Variants in CNTN4 observed in about 807,000 individuals in gnomAD.
CNTN4 encodes the protein contactin-4.
A neutral mutation model predicts 122.5 loss-of-function variants in CNTN4; 77 were observed. The observed-to-expected ratio is 0.63, with a 90% CI of 0.52 to 0.76. The LOEUF (loss-of-function observed/expected upper bound fraction) is 0.76. Ranked by LOEUF, CNTN4 falls within the 30% of genes least tolerant of loss-of-function variation. The probability of loss-of-function intolerance (pLI) is 0.00; values close to 1 mark genes in which losing one functional copy is unlikely to be tolerated. For synonymous variants in CNTN4, 512 were observed against 447.0 expected, an observed-to-expected ratio of 1.15 and a Z score of -1.83; for missense variants, 1,256 against 1,259.1, an observed-to-expected ratio of 1.00 and a Z score of 0.04.
At chr3:2,829,670 A>G (rs530551816) in intron 7 of CNTN4, among the ~76,000 whole-genome samples, 24 of 152,210 alleles carry the variant, frequency 1.6e-4, no homozygotes, top group Non-Finnish European at 2.6e-4. Context: ...AACAACTTGA[A>G]TGTTTCATGA....
At chr3:2,963,397 G>A (rs1298780833) in intron 13 of CNTN4, among the ~76,000 whole-genome samples, 2 of 152,012 alleles carry the variant, frequency 1.3e-5, no homozygotes, top group African/African-American at 4.8e-5. Context: ...CGTCAAGATG[G>A]TCTAGAAAGA....
At chr3:2,614,742 A>G (rs772369820) in intron 4 of CNTN4, among the ~76,000 whole-genome samples, 7 of 152,098 alleles carry the variant, frequency 4.6e-5, no homozygotes, top group Non-Finnish European at 8.8e-5. Flanking sequence ...ATTGAAATAG[A>G]GATGCCTGTC....
chr3:2,731,505 G>T (rs2088679569), intron 4 of CNTN4, among the ~76,000 whole-genome samples: 1 of 152,194 alleles, frequency 6.6e-6, no homozygotes, highest in Non-Finnish European at 1.5e-5. Flanking sequence ...CAAGCTGTGT[G>T]TCAGATCAAT....
chr3:2,598,627 C>A (rs775468134), intron 4 of CNTN4, among the ~76,000 whole-genome samples: 3 of 152,078 alleles, frequency 2.0e-5, no homozygotes, highest in Non-Finnish European at 2.9e-5. Context: ...ACTTTTACAT[C>A]ATAATTCAAA....
intron 2 of CNTN4, among the ~76,000 whole-genome samples, chr3:2,255,902 A>G (rs894463163): frequency 6.6e-6 from 1 of 152,180 alleles, no homozygotes; most frequent in African/African-American, 2.4e-5. Context: ...AAGCAAACAA[A>G]TTCAAAAGCT....
chr3:2,382,419 T>C (rs990991541), intron 3 of CNTN4, among the ~76,000 whole-genome samples: 20 of 152,216 alleles, frequency 1.3e-4, no homozygotes, highest in African/African-American at 4.8e-4. Flanking sequence ...CCTCCCAAAG[T>C]GCTGGGATTG....
intron 2 of CNTN4, among the ~76,000 whole-genome samples, chr3:2,106,677 T>G (rs1383663519): frequency 1.3e-5 from 2 of 152,218 alleles, no homozygotes; most frequent in Admixed American, 1.3e-4. Flanking sequence ...TGGGAGGGGC[T>G]GCCGCCAAGA....
intron 13 of CNTN4, among the ~76,000 whole-genome samples, chr3:2,982,297 T>C (rs1694098833): frequency 6.6e-6 from 1 of 152,176 alleles, no homozygotes; most frequent in South Asian, 2.1e-4. Context: ...ATTCTACTTT[T>C]ACTACCACCG....
At chr3:2,465,214 G>T (rs1450826015) in intron 3 of CNTN4, among the ~76,000 whole-genome samples, 1 of 152,088 alleles carries the variant, frequency 6.6e-6, no homozygotes, top group Admixed American at 6.5e-5. Context: ...TAATCTGTGG[G>T]CATGATTCCT....
Position 2,384,732 on chromosome 3 carries a change from C to G in CNTN4, c.-89+45499C>G, listed in dbSNP as rs183085874. ...CTCTCACATGTAAATTTGTCCCTGG[C>G]TCCTACACCAGTAACAACTCAATGT... On this transcript the variant is annotated intron_variant, in intron 3 of 24. Coordinates refer to ENST00000418658, the MANE Select transcript of CNTN4 (RefSeq NM_175607.3). 5.8e-4 allele frequency among the ~76,000 whole-genome samples: 88 copies of G among 151,672 alleles called. 1 individual carries two copies. In the East Asian group the frequency reaches 0.016, roughly 27 times the overall value.
At chr3:2,479,059 T>C (rs532655928) in intron 3 of CNTN4, among the ~76,000 whole-genome samples, 1 of 152,320 alleles carries the variant, frequency 6.6e-6, no homozygotes, top group South Asian at 2.1e-4. Context: ...AGGACTTTCA[T>C]CTTTGCTCAT....
intron 3 of CNTN4, among the ~76,000 whole-genome samples, chr3:2,442,042 T>C (rs2048461352): frequency 6.6e-6 from 1 of 152,178 alleles, no homozygotes; most frequent in African/African-American, 2.4e-5. Flanking sequence ...AATATGCTGG[T>C]TAGAAAACCA....
intron 3 of CNTN4, among the ~76,000 whole-genome samples, chr3:2,402,478 C>G (rs2046892203): frequency 6.6e-6 from 1 of 152,094 alleles, no homozygotes; most frequent in Non-Finnish European, 1.5e-5. Context: ...AACAAACATA[C>G]AATGTGTAAT....
At chr3:2,607,502 A>G (rs1278998261) in intron 4 of CNTN4, among the ~76,000 whole-genome samples, 1 of 152,162 alleles carries the variant, frequency 6.6e-6, no homozygotes, top group Non-Finnish European at 1.5e-5. Context: ...AACTGCAAAA[A>G]TGTAAAGTGA....
intron 3 of CNTN4, among the ~76,000 whole-genome samples, chr3:2,382,363 G>T (rs2046060269): frequency 6.6e-6 from 1 of 151,830 alleles, no homozygotes. Flanking sequence ...CACCATCTTG[G>T]CCAGGCTGGT....
chr3:2,941,119 A>G (rs2094610782), intron 13 of CNTN4, among the ~76,000 whole-genome samples: 1 of 152,164 alleles, frequency 6.6e-6, no homozygotes, highest in African/African-American at 2.4e-5. Flanking sequence ...TGCAATTTAA[A>G]ATTACTATTA....
chr3:2,372,956 A>C (rs983940174), intron 3 of CNTN4, among the ~76,000 whole-genome samples: 4 of 152,212 alleles, frequency 2.6e-5, no homozygotes, highest in African/African-American at 9.6e-5. Flanking sequence ...CTGAGGCACA[A>C]GAATCACTTG....
intron 6 of CNTN4, among the ~76,000 whole-genome samples, chr3:2,793,665 A>G (rs1175636812): frequency 2.6e-5 from 4 of 152,150 alleles, no homozygotes; most frequent in African/African-American, 9.7e-5. Context: ...CAATAGCCAC[A>G]TTTCCAGAAC....
At chr3:2,411,789 G>A (rs926926808) in intron 3 of CNTN4, among the ~76,000 whole-genome samples, 2 of 151,928 alleles carry the variant, frequency 1.3e-5, no homozygotes, top group African/African-American at 4.8e-5. Context: ...CTTTTATTCT[G>A]TCGTTGCTGT....
Sources: gnomAD v4.1 joint callset for allele counts (sites outside exome capture counted in the v4.1 genomes callset) on GRCh38, gnomAD v4.1.1 for gene constraint, MANE v1.5 for transcripts, NCBI Gene and HGNC (gene_info 2026-07-23, HGNC 2026-07-21) for gene names.